TOPAZ1: variants seen among roughly 807,000 people sequenced by gnomAD.
TOPAZ1 encodes protein TOPAZ1.
TOPAZ1 carries 66 observed loss-of-function variants against 172.2 expected under a neutral mutation model. The ratio of observed to expected loss-of-function variants is 0.38; its 90% CI spans 0.31 to 0.47. The LOEUF (loss-of-function observed/expected upper bound fraction) is 0.47, where lower values mean the gene tolerates loss of function less well. Among genes scored for constraint, TOPAZ1 ranks in the 20% least tolerant of loss-of-function variants. The pLI is 0.99. For synonymous variants in TOPAZ1, 681 were observed against 683.9 expected (o/e 1.00, Z 0.07); for missense variants, 1,822 against 1,972.4 (o/e 0.92, Z 1.44).
intron 8 of TOPAZ1, among the ~76,000 whole-genome samples, chr3:44,278,694 G>C (rs932274480): frequency 3.3e-5 from 5 of 151,676 alleles, no homozygotes; most frequent in Non-Finnish European, 7.4e-5. Flanking sequence ...TGTAAAGTCT[G>C]CTTTTTCATT....
rs1388551937 is a variant in TOPAZ1, at chr3:44,242,292, G to A, written c.239G>A (p.Arg80His). 1.3e-6 allele frequency: 2 copies of A among 1,551,460 alleles called. No homozygotes were observed. Among genetic ancestry groups the A allele is most frequent in the Non-Finnish European group, 1.7e-6 (2 of 1,146,902 alleles). Residue 80 changes from arginine to histidine, a missense_variant, in exon 1 of 20, where the codon CGT (arginine) becomes CAT (histidine). Arg to His is a conservative substitution (Grantham distance 29). Around this residue, in one of 2 missense-constraint regions of TOPAZ1, gnomAD observed 1,489 missense variants for 1,490.8 expected, o/e 1.00. Coordinates refer to ENST00000309765, the MANE Select transcript of TOPAZ1 (RefSeq NM_001145030.2). Reference protein sequence around the residue: ...AASGAGKAARRQVEGRRGPVS... With the variant: ...AASGAGKAARHQVEGRRGPVS... ...TCAGGGGCTGGAAAGGCCGCAAGGC[G>A]TCAGGTGGAGGGGCGCAGGGGCCCG...
downstream of TOPAZ1, among the ~76,000 whole-genome samples, chr3:44,334,021 T>C (rs1055067196): frequency 6.6e-6 from 1 of 152,256 alleles, no homozygotes; most frequent in African/African-American, 2.4e-5. Context: ...GGTGCCTTGA[T>C]GTTAGCAAGG....
chr3:44,336,604 C>G (rs981173319), downstream of TOPAZ1, among the ~76,000 whole-genome samples: 6 of 152,094 alleles, frequency 3.9e-5, no homozygotes, highest in Middle Eastern at 3.2e-3. Flanking sequence ...AGGTGTTTGC[C>G]CTTGCTCTCG....
chr3:44,325,498 T>G (rs75937287), intron 18 of TOPAZ1, among the ~76,000 whole-genome samples: 3,828 of 152,284 alleles, frequency 0.025, 65 homozygotes, highest in Non-Finnish European at 0.038. Context: ...TTGTACACAT[T>G]AGCATTTATT....
At chr3:44,281,372 A>G (rs935170924) in intron 8 of TOPAZ1, among the ~76,000 whole-genome samples, 3 of 152,088 alleles carry the variant, frequency 2.0e-5, no homozygotes, top group African/African-American at 7.2e-5. Flanking sequence ...ACCCTCTTAA[A>G]AGTATCTTTT....
At chr3:44,287,293 A>G in intron 9 of TOPAZ1, 96 bp from the exon 10 acceptor site, 1 of 643,784 alleles carries the variant, frequency 1.6e-6, no homozygotes, top group Non-Finnish European at 2.3e-6. Context: ...TTGAATTCAT[A>G]TTATTTTATC....
At chr3:44,260,615 CTT>C in intron 4 of TOPAZ1, among the ~76,000 whole-genome samples, 1 of 152,106 alleles carries the variant, frequency 6.6e-6, no homozygotes, top group Non-Finnish European at 1.5e-5. Context: ...ATTTTGTACT[CTT>C]TATTCTCTTA....
chr3:44,257,313 G>A (rs796918811), intron 4 of TOPAZ1, among the ~76,000 whole-genome samples: 34 of 150,774 alleles, frequency 2.3e-4, no homozygotes, highest in African/African-American at 8.1e-4. Context: ...TCCAGCCTGG[G>A]CAACAAAGCA....
chr3:44,336,023 G>A (rs745745850), downstream of TOPAZ1, among the ~76,000 whole-genome samples: 2 of 152,192 alleles, frequency 1.3e-5, no homozygotes, highest in Non-Finnish European at 2.9e-5. Context: ...TGAACCCTTT[G>A]TGTGGATATT....
intron 8 of TOPAZ1, among the ~76,000 whole-genome samples, chr3:44,276,647 TTTTTTTCC>T (rs1445558382): frequency 3.2e-4 from 28 of 86,864 alleles, no homozygotes; most frequent in South Asian, 5.3e-4. Flanking sequence ...TTTTTTTTTT[TTTTTTTCC>T]AGAATTGCTT....
intron 8 of TOPAZ1, among the ~76,000 whole-genome samples, chr3:44,272,612 A>G (rs1225499242): frequency 6.6e-6 from 1 of 152,038 alleles, no homozygotes; most frequent in Non-Finnish European, 1.5e-5. Flanking sequence ...CCCAGGCTGG[A>G]GTACAGTGGC....
intron 17 of TOPAZ1, among the ~76,000 whole-genome samples, chr3:44,322,827 A>G (rs778171716): frequency 4.6e-5 from 7 of 152,176 alleles, no homozygotes; most frequent in African/African-American, 9.7e-5. Flanking sequence ...CTGAGGCGAG[A>G]GGATGACTTG....
chr3:44,331,746 T>C (rs1382050430), intron 19 of TOPAZ1, 46 bp from the exon 20 acceptor site: 4 of 1,349,776 alleles, frequency 3.0e-6, no homozygotes, highest in Middle Eastern at 2.0e-4. Context: ...AGAAACTATA[T>C]AGCTTTTTTA....
At chr3:44,255,378 G>T (rs981197487) in intron 3 of TOPAZ1, among the ~76,000 whole-genome samples, 9 of 151,838 alleles carry the variant, frequency 5.9e-5, no homozygotes, top group African/African-American at 2.2e-4. Context: ...GTTGGCTAGG[G>T]GCGGTGGCTC....
At chr3:44,246,318 C>T (rs575733712) in intron 2 of TOPAZ1, among the ~76,000 whole-genome samples, 4 of 152,108 alleles carry the variant, frequency 2.6e-5, no homozygotes, top group African/African-American at 4.8e-5. Context: ...TTCCTGAAGC[C>T]GTTATTTATA....
intron 8 of TOPAZ1, among the ~76,000 whole-genome samples, chr3:44,277,494 G>T (rs989479010): frequency 6.6e-6 from 1 of 152,138 alleles, no homozygotes; most frequent in African/African-American, 2.4e-5. Flanking sequence ...TCTCTTGCCT[G>T]CTTGCTCTGG....
chr3:44,330,566 G>A (rs943162680), intron 19 of TOPAZ1, among the ~76,000 whole-genome samples: 12 of 152,160 alleles, frequency 7.9e-5, no homozygotes, highest in Admixed American at 6.5e-4. Flanking sequence ...GAATGTACTA[G>A]AAGGTACCTG....
chr3:44,251,713 G>A (rs1443657877), intron 2 of TOPAZ1, among the ~76,000 whole-genome samples: 1 of 152,140 alleles, frequency 6.6e-6, no homozygotes, highest in Non-Finnish European at 1.5e-5. Flanking sequence ...TAGAGAATAA[G>A]CTTGAGGTAA....
chr3:44,244,527 A>C lies in TOPAZ1; in HGVS notation c.2021A>C (p.Asp674Ala). 6.4e-7 allele frequency: 1 copy of C among 1,551,242 alleles called. No individual in the cohort carries two copies. Among genetic ancestry groups the C allele is most frequent in the Non-Finnish European group, 8.7e-7 (1 of 1,146,890 alleles). Residue 674 changes from aspartate to alanine, a missense_variant, in exon 2 of 20, where the codon GAC (aspartate) becomes GCC (alanine). Coordinates refer to ENST00000309765, the MANE Select transcript of TOPAZ1 (RefSeq NM_001145030.2). ...GCTCAACAAACATTTATAGTTCCAG[A>C]CTTGGTTAAAATATTGAACACAGGA... ...CIAQQTFIVP[D>A]LVKILNTGRL...
Sources: allele counts gnomAD v4.1 joint callset (sites outside exome capture counted in the v4.1 genomes callset), GRCh38; gene constraint gnomAD v4.1.1; regional missense constraint gnomAD v4.1.1; transcripts MANE v1.5; gene names NCBI Gene and HGNC (gene_info 2026-07-23, HGNC 2026-07-21).